The following GPD2 variants were observed in gnomAD, a reference collection of about 807,000 sequenced individuals.
GPD2 encodes glycerol-3-phosphate dehydrogenase 2.
Under a neutral mutation model 82.4 loss-of-function variants are expected in GPD2, and 54 were observed. That is an observed-to-expected ratio of 0.66 (90% CI 0.53 to 0.82). The LOEUF (loss-of-function observed/expected upper bound fraction) is 0.82. GPD2 is among the 40% of genes least tolerant of loss of function. The pLI is 0.00. For synonymous variants in GPD2, 288 were observed against 306.1 expected (o/e 0.94, Z 0.62); for missense variants, 748 against 896.2 (o/e 0.83, Z 2.11).
chr2:156,495,312 C>T lies in GPD2; in HGVS notation c.103-732C>T, dbSNP rs527730306. On this transcript the variant is annotated intron_variant, in intron 2 of 16. Coordinates refer to ENST00000438166, the MANE Select transcript of GPD2 (RefSeq NM_000408.5). ...TTGCAGTAAGCTGTGATAGTGCCAC[C>T]GCACCCCAGGCTGGGCAACAGAATG... 1.1e-4 allele frequency among the ~76,000 whole-genome samples: 17 copies of T among 152,004 alleles called. No individual in the cohort carries two copies. In the South Asian group the frequency reaches 2.1e-3, roughly 19 times the overall value.
chr2:156,439,526 A>AC (rs1558898766), intron 1 of GPD2, among the ~76,000 whole-genome samples: 1 of 104,274 alleles, frequency 9.6e-6, no homozygotes, highest in African/African-American at 3.8e-5. Flanking sequence ...AAAAAAAAAA[A>AC]AAAAAAAAAA....
chr2:156,487,273 C>T (rs796116164), intron 2 of GPD2, among the ~76,000 whole-genome samples: 1 of 152,182 alleles, frequency 6.6e-6, no homozygotes, highest in East Asian at 1.9e-4. Flanking sequence ...GGTCATGCCA[C>T]TGCACTCCAG....
chr2:156,574,925 A>C (rs1201451862), intron 13 of GPD2, among the ~76,000 whole-genome samples: 7 of 152,198 alleles, frequency 4.6e-5, no homozygotes, highest in African/African-American at 1.4e-4. Context: ...AGAACTATTC[A>C]ATTTATAATT....
chr2:156,404,942 T>G, the GPD2 span, among the ~76,000 whole-genome samples: 1 of 151,944 alleles, frequency 6.6e-6, no homozygotes, highest in Non-Finnish European at 1.5e-5. Context: ...ATGAGAAAAT[T>G]TTTAGGACAC....
At chr2:156,532,287 G>T (rs914926078) in intron 6 of GPD2, among the ~76,000 whole-genome samples, 3 of 152,180 alleles carry the variant, frequency 2.0e-5, no homozygotes. Flanking sequence ...GATTACAGAT[G>T]TGAGCCACTG....
At chr2:156,401,117 ACC>A in the GPD2 span, among the ~76,000 whole-genome samples, 1 of 152,142 alleles carries the variant, frequency 6.6e-6, no homozygotes, top group South Asian at 2.1e-4. Flanking sequence ...TGTGTATGAT[ACC>A]CACAGAAAAA....
the GPD2 span, among the ~76,000 whole-genome samples, chr2:156,420,157 C>T: frequency 1.3e-5 from 2 of 152,156 alleles, no homozygotes; most frequent in Non-Finnish European, 2.9e-5. Flanking sequence ...CAATGAAATA[C>T]ATATCTCTAT....
rs749449285 is a variant in GPD2 at position 156,578,915 on chromosome 2, T to G, written c.1794T>G (p.Phe598Leu). Residue 598 changes from phenylalanine (F) to leucine (L), a missense_variant, in exon 14 of 17, where the codon TTT (phenylalanine) becomes TTG (leucine). Phe to Leu is a conservative substitution (Grantham distance 22). This residue lies in a region of GPD2 where 692 missense variants were observed against 809.7 expected (regional missense o/e 0.85). Coordinates refer to ENST00000438166, the MANE Select transcript of GPD2 (RefSeq NM_000408.5). ...KQEQLETARK[F>L]LYYEMGYKSR... ...AACAACTTGAAACAGCCAGGAAGTT[T>G]CTATATTATGAAATGGGCTATAAAT... 1.2e-5 allele frequency: 19 copies of G among 1,607,632 alleles called. No individual in the cohort carries two copies. The highest frequency in any genetic ancestry group is 1.6e-5 in the Non-Finnish European group (19 of 1,174,512).
At chr2:156,537,006 C>T (rs1478510207) in intron 6 of GPD2, among the ~76,000 whole-genome samples, 1 of 152,146 alleles carries the variant, frequency 6.6e-6, no homozygotes, top group East Asian at 1.9e-4. Context: ...TTTGGCTAAG[C>T]AAACAGATAT....
chr2:156,452,235 T>G (rs974200427), intron 1 of GPD2, among the ~76,000 whole-genome samples: 1 of 152,160 alleles, frequency 6.6e-6, no homozygotes, highest in Non-Finnish European at 1.5e-5. Context: ...CGAGCCGAGA[T>G]CACGCCACCT....
At chr2:156,463,132 A>G (rs776558985) in intron 1 of GPD2, among the ~76,000 whole-genome samples, 1 of 152,200 alleles carries the variant, frequency 6.6e-6, no homozygotes, top group African/African-American at 2.4e-5. Context: ...TGTCACTCCT[A>G]TTATTCCTGA....
chr2:156,537,953 C>T (rs550885296), intron 6 of GPD2, among the ~76,000 whole-genome samples: 2 of 152,326 alleles, frequency 1.3e-5, no homozygotes, highest in East Asian at 3.9e-4. Context: ...TAAATGTTTA[C>T]ATGTTTTATA....
chr2:156,523,712 A>AGATG (rs1323107544), intron 6 of GPD2, among the ~76,000 whole-genome samples: 61 of 150,916 alleles, frequency 4.0e-4, no homozygotes, highest in African/African-American at 1.4e-3. Context: ...ATAGATAGAT[A>AGATG]GATAGATATT....
intron 3 of GPD2, among the ~76,000 whole-genome samples, chr2:156,506,374 T>A (rs1684786494): frequency 6.6e-6 from 1 of 152,172 alleles, no homozygotes; most frequent in African/African-American, 2.4e-5. Flanking sequence ...AACAGCCTGG[T>A]TTGACAGAGA....
intron 1 of GPD2, among the ~76,000 whole-genome samples, chr2:156,439,553 A>AC (rs1682081560): frequency 7.4e-6 from 1 of 135,960 alleles, no homozygotes; most frequent in Admixed American, 7.7e-5. Context: ...AAAAAAAAAA[A>AC]CAAGCCAGGC....
At chr2:156,514,612 A>G (rs1430197881) in intron 6 of GPD2, among the ~76,000 whole-genome samples, 1 of 152,076 alleles carries the variant, frequency 6.6e-6, no homozygotes, top group Admixed American at 6.5e-5. Context: ...AGGCTTTCAT[A>G]TATAAATGCA....
At chr2:156,525,048 T>C (rs1396560426) in intron 6 of GPD2, among the ~76,000 whole-genome samples, 2 of 152,230 alleles carry the variant, frequency 1.3e-5, no homozygotes, top group Non-Finnish European at 2.9e-5. Flanking sequence ...CCTTAAGGTA[T>C]ATTGTATATA....
intron 6 of GPD2, among the ~76,000 whole-genome samples, chr2:156,542,988 C>T (rs560969008): frequency 2.6e-4 from 40 of 152,276 alleles, no homozygotes; most frequent in African/African-American, 8.9e-4. Flanking sequence ...AGTACCTTGA[C>T]CATGCCTGGC....
At chr2:156,432,061 A>AT (rs1347593166), upstream of GPD2, among the ~76,000 whole-genome samples, 8 of 151,526 alleles carry the variant, frequency 5.3e-5, no homozygotes, top group South Asian at 1.5e-3. Context: ...TAATTTTTGT[A>AT]TTTTTTACTA....
Sources: gnomAD v4.1 joint callset for allele counts (sites outside exome capture counted in the v4.1 genomes callset) on GRCh38, gnomAD v4.1.1 for gene constraint, gnomAD v4.1.1 regional missense constraint, MANE v1.5 for transcripts, NCBI Gene and HGNC (gene_info 2026-07-23, HGNC 2026-07-21) for gene names.